The following ABI3BP variants were observed in gnomAD, a reference collection of about 807,000 sequenced individuals.
ABI3BP encodes the protein ABI family member 3 binding protein, also known as target of Nesh-SH3.
ABI3BP carries 216 observed loss-of-function variants against 268.6 expected under a neutral mutation model. The ratio of observed to expected loss-of-function variants is 0.80; its 90% CI spans 0.72 to 0.90. ABI3BP has a LOEUF of 0.90. Ranked by LOEUF, ABI3BP falls within the 40% of genes least tolerant of loss-of-function variation. The probability of loss-of-function intolerance (pLI) is 0.00; values close to 1 mark genes in which losing one functional copy is unlikely to be tolerated. For synonymous variants in ABI3BP, 730 were observed against 730.0 expected (o/e 1.00, Z 0.00); for missense variants, 2,090 against 2,182.4 (o/e 0.96, Z 0.84).
At chr3:100,812,787 T>C (rs905743795) in intron 45 of ABI3BP, among the ~76,000 whole-genome samples, 12 of 152,088 alleles carry the variant, frequency 7.9e-5, no homozygotes, top group Admixed American at 3.9e-4. Context: ...TGGAAAGAAA[T>C]TACAGTCCTA....
chr3:100,882,366 G>T (rs570306014), intron 6 of ABI3BP, among the ~76,000 whole-genome samples: 1 of 151,698 alleles, frequency 6.6e-6, no homozygotes, highest in Admixed American at 6.6e-5. Flanking sequence ...CATGGTCAAA[G>T]TTATCCCATG....
intron 14 of ABI3BP, among the ~76,000 whole-genome samples, chr3:100,858,894 G>C (rs1055851011): frequency 6.6e-6 from 1 of 152,140 alleles, no homozygotes; most frequent in Admixed American, 6.5e-5. Flanking sequence ...TGGCTGATAC[G>C]AGTAGATGTG....
Position 100,762,109 on chromosome 3 carries a change from T to A in ABI3BP, c.4850+3732A>T, listed in dbSNP as rs182075674. Reference sequence around the variant, plus strand: ...TATGACTAGAGTTATTATTATTATTTTTTTACAGCTAACAAGAGCCATGTG... The same window carrying A: ...TATGACTAGAGTTATTATTATTATTATTTTACAGCTAACAAGAGCCATGTG... On this transcript the variant is annotated intron_variant, in intron 63 of 67. Transcript: ENST00000471714. Among the ~76,000 whole-genome samples the A allele has an allele frequency of 3.3e-5, 5 of 152,182 alleles. No homozygotes were observed. The East Asian group carries it at 7.7e-4, about 23-fold the overall frequency.
chr3:100,863,935 G>A (rs2099024314), intron 12 of ABI3BP, 67 bp downstream of exon 12: 2 of 1,167,222 alleles, frequency 1.7e-6, no homozygotes, highest in African/African-American at 1.5e-5. Flanking sequence ...TAATTCAAAA[G>A]ACTTCTTTGA....
At chr3:100,971,129 G>A (rs1482245619) in intron 1 of ABI3BP, among the ~76,000 whole-genome samples, 2 of 152,146 alleles carry the variant, frequency 1.3e-5, no homozygotes, top group African/African-American at 4.8e-5. Context: ...CAAGTGTCAG[G>A]CAAACATTTG....
At chr3:100,855,862 T>C (rs2098933650) in intron 14 of ABI3BP, among the ~76,000 whole-genome samples, 2 of 152,256 alleles carry the variant, frequency 1.3e-5, no homozygotes. Context: ...CTTAAATACA[T>C]TGATAATGCT....
intron 1 of ABI3BP, among the ~76,000 whole-genome samples, chr3:100,948,626 T>C (rs937993714): frequency 2.6e-5 from 4 of 152,216 alleles, no homozygotes; most frequent in African/African-American, 9.6e-5. Flanking sequence ...CTCATTTCAC[T>C]TCCCTCCCAG....
Position 100,749,578 on chromosome 3 carries a change from T to C in ABI3BP, c.*917A>G, listed in dbSNP as rs574928819. 95 of 397,428 alleles carry C rather than the reference T, an allele frequency of 2.4e-4. No individual in the cohort carries two copies. The Middle Eastern group carries it at 4.4e-3, about 19-fold the overall frequency. The allele number at this position is 397,428 out of a possible 1,614,324, so 24.6% of individuals were successfully genotyped here. A position where few individuals can be genotyped will look rare whatever the true frequency, so the allele number is the denominator to read the frequency against. On this transcript the variant is annotated 3_prime_UTR_variant, in exon 68 of 68. Transcript: ENST00000471714. ...TTGAATTAAACAGTTACAAAGACATTCTCTGATACATTCATTCATAGAGGT... is the reference window on the plus strand; with the variant it reads ...TTGAATTAAACAGTTACAAAGACATCCTCTGATACATTCATTCATAGAGGT...
chr3:100,781,866 CCA>C (rs1264509489), intron 57 of ABI3BP, among the ~76,000 whole-genome samples: 1 of 152,116 alleles, frequency 6.6e-6, no homozygotes, highest in Admixed American at 6.5e-5. Flanking sequence ...AATCCACATC[CCA>C]CAGATGAGAA....
chr3:100,873,648 G>T (rs901870882), intron 9 of ABI3BP, among the ~76,000 whole-genome samples: 6 of 152,086 alleles, frequency 3.9e-5, no homozygotes, highest in Non-Finnish European at 8.8e-5. Context: ...AAAAATATTT[G>T]GGTTATATCT....
At position 100,753,840 on chromosome 3, in the gene ABI3BP, T is replaced by C; in HGVS notation, c.4939A>G (p.Arg1647Gly). 4 of 1,610,590 alleles carry C rather than the reference T, an allele frequency of 2.5e-6. No individual in the cohort carries two copies. The highest frequency in any genetic ancestry group is 3.4e-6 in the Non-Finnish European group (4 of 1,178,544). ...VAFSTESADP[R>G]VSEPVSAGRD... is the part of the protein sequence containing the mutation. ...TTACCAGAAACTGGCTCACTCACTC[T>C]TGGGTCCGCTGAGGAGAAATAAATA... Residue 1647 changes from arginine (R) to glycine (G), a missense_variant, in exon 65 of 68, where the codon AGA becomes GGA. Physicochemically the swap from Arg to Gly is moderately radical, Grantham distance 125 (BLOSUM62 -2). Coordinates refer to ENST00000471714, the MANE Select transcript of ABI3BP (RefSeq NM_001375547.2).
At chr3:100,887,157 G>A (rs909018676) in intron 4 of ABI3BP, among the ~76,000 whole-genome samples, 2 of 151,944 alleles carry the variant, frequency 1.3e-5, no homozygotes, top group Non-Finnish European at 2.9e-5. Context: ...ACCAGTGGCG[G>A]TGGCAGAATC....
At position 100,816,768 on chromosome 3, in the gene ABI3BP, G is replaced by T; in HGVS notation, c.3149C>A (p.Ala1050Asp). 9 of 1,535,688 alleles carry T rather than the reference G, an allele frequency of 5.9e-6. No individual in the cohort carries two copies. Among genetic ancestry groups the T allele is most frequent in the Non-Finnish European group, 7.8e-6 (9 of 1,146,548 alleles). ...FRTKFPETTL[A>D]PKTQRTRRPR... ...ACGACGTGTCCGTTGTGTTTTAGGA[G>T]CTGAAGGAAGAAACTTTGGATTACT... The change falls in exon 43 of 68, where the codon GCT becomes GAT. Residue 1050 changes from alanine (A) to aspartate (D), a missense_variant and splice_region_variant. Coordinates refer to ENST00000471714, the MANE Select transcript of ABI3BP (RefSeq NM_001375547.2).
At chr3:100,992,271 G>T (rs1376302631) in intron 1 of ABI3BP, among the ~76,000 whole-genome samples, 1 of 152,150 alleles carries the variant, frequency 6.6e-6, no homozygotes, top group Non-Finnish European at 1.5e-5. Context: ...TACCCACCGA[G>T]GAAAGAACAG....
At chr3:100,952,177 A>G (rs1323366754) in intron 1 of ABI3BP, among the ~76,000 whole-genome samples, 1 of 152,188 alleles carries the variant, frequency 6.6e-6, no homozygotes, top group Non-Finnish European at 1.5e-5. Context: ...AGATCAACTC[A>G]TCTCAAGAAA....
intron 63 of ABI3BP, among the ~76,000 whole-genome samples, chr3:100,763,529 G>C (rs1474743732): frequency 1.3e-5 from 2 of 151,908 alleles, no homozygotes; most frequent in Non-Finnish European, 2.9e-5. Flanking sequence ...CTAGTCTTGA[G>C]GTAAGGATAG....
Position 100,751,591 on chromosome 3 carries a change from C to G in ABI3BP, c.5206G>C (p.Gly1736Arg). 2 of 1,597,968 alleles carry G rather than the reference C, an allele frequency of 1.3e-6. No homozygotes were observed. The highest frequency in any genetic ancestry group is 1.7e-6 in the Non-Finnish European group (2 of 1,171,248). Residue 1736 changes from glycine to arginine, a missense_variant, in exon 67 of 68, where the codon GGG becomes CGG. Physicochemically the swap from Gly to Arg is moderately radical, Grantham distance 125. Transcript: ENST00000471714. Reference sequence around the variant, plus strand: ...AACTGGTCAGAAGTGAGTTGCTGCCCAGTGCGTCCATCTAAAAATGAATCC... The same window carrying G: ...AACTGGTCAGAAGTGAGTTGCTGCCGAGTGCGTCCATCTAAAAATGAATCC... ...FVDSFLDGRT[G>R]QQLTSDQLPI...
intron 66 of ABI3BP, 133 bp from the exon 67 acceptor site, chr3:100,751,807 C>G (rs886419485): frequency 5.8e-6 from 5 of 858,506 alleles, no homozygotes; most frequent in Non-Finnish European, 8.2e-6. Context: ...AACAATGTTT[C>G]TTGCCTACCT....
intron 47 of ABI3BP, 77 bp downstream of exon 47, chr3:100,811,651 T>G: frequency 7.1e-7 from 1 of 1,409,620 alleles, no homozygotes; most frequent in South Asian, 1.3e-5. Context: ...GCTTGAACTT[T>G]CATATTCCGT....
Sources: gnomAD v4.1 joint callset for allele counts (sites outside exome capture counted in the v4.1 genomes callset) on GRCh38, gnomAD v4.1.1 for gene constraint, MANE v1.5 for transcripts, NCBI Gene and HGNC (gene_info 2026-07-23, HGNC 2026-07-21) for gene names.